The following PIP5K1B variants were observed in gnomAD, a reference collection of about 807,000 sequenced individuals.
PIP5K1B encodes phosphatidylinositol-4-phosphate 5-kinase type 1 beta.
A neutral mutation model predicts 67.0 loss-of-function variants in PIP5K1B; 42 were observed. The observed-to-expected ratio is 0.63, with a 90% CI of 0.49 to 0.81. PIP5K1B has a LOEUF of 0.81. Ranked by LOEUF, PIP5K1B falls within the 30% of genes least tolerant of loss-of-function variation. The pLI is 0.00. For missense variants in PIP5K1B, 459 were observed against 646.3 expected (o/e 0.71, Z 3.14); for synonymous variants, 214 against 231.4 (o/e 0.92, Z 0.68).
At chr9:68,783,121 A>G (rs1234638448) in intron 2 of PIP5K1B, 2 of 166,910 alleles carry the variant, frequency 1.2e-5, no homozygotes, top group African/African-American at 2.4e-5. Context: ...TTTAAACTTG[A>G]TATTTTTCGC....
At chr9:68,994,924 C>T (rs961260530) in intron 15 of PIP5K1B, among the ~76,000 whole-genome samples, 3 of 151,754 alleles carry the variant, frequency 2.0e-5, no homozygotes, top group Admixed American at 2.0e-4. Context: ...TTGCTTGAGG[C>T]CAGGAGTTCG....
At chr9:68,930,568 CTG>C (rs1826946394) in intron 12 of PIP5K1B, among the ~76,000 whole-genome samples, 1 of 152,060 alleles carries the variant, frequency 6.6e-6, no homozygotes, top group East Asian at 1.9e-4. Context: ...GATTCAGCCA[CTG>C]TGTTTTTTGG....
At chr9:68,927,371 A>AT (rs758002081) in intron 12 of PIP5K1B, among the ~76,000 whole-genome samples, 110 of 152,308 alleles carry the variant, frequency 7.2e-4, no homozygotes, top group Non-Finnish European at 1.1e-3. Flanking sequence ...CAGCTGTGTC[A>AT]TTTTACAATC....
intron 2 of PIP5K1B, among the ~76,000 whole-genome samples, chr9:68,817,405 AC>A (rs746205742): frequency 6.6e-6 from 1 of 152,244 alleles, no homozygotes; most frequent in Non-Finnish European, 1.5e-5. Flanking sequence ...AAATAAAAGT[AC>A]TAGAACATTA....
chr9:68,829,363 T>G (rs1254258570), intron 4 of PIP5K1B, among the ~76,000 whole-genome samples: 1 of 152,212 alleles, frequency 6.6e-6, no homozygotes, highest in Admixed American at 6.5e-5. Flanking sequence ...AATGACCCTT[T>G]GGTATTCTAA....
intron 8 of PIP5K1B, among the ~76,000 whole-genome samples, chr9:68,910,975 A>G (rs1051144500): frequency 4.6e-5 from 7 of 152,258 alleles, no homozygotes; most frequent in African/African-American, 1.7e-4. Flanking sequence ...TCTATGTCAA[A>G]TTGAAGCACT....
intron 8 of PIP5K1B, among the ~76,000 whole-genome samples, chr9:68,910,442 C>G (rs1307184877): frequency 6.6e-6 from 1 of 152,130 alleles, no homozygotes; most frequent in East Asian, 1.9e-4. Flanking sequence ...GCACAGGTAT[C>G]AAGTTCTTAT....
chr9:68,828,913 C>T (rs1296175152), intron 4 of PIP5K1B, among the ~76,000 whole-genome samples: 1 of 151,790 alleles, frequency 6.6e-6, no homozygotes, highest in African/African-American at 2.4e-5. Context: ...ACCAGCCTGG[C>T]CAACATGGTG....
intron 1 of PIP5K1B, among the ~76,000 whole-genome samples, chr9:68,735,415 A>G (rs1029539516): frequency 7.7e-5 from 10 of 130,278 alleles, no homozygotes; most frequent in Non-Finnish European, 1.4e-4. Context: ...TGTCATGTCT[A>G]CTTAGGCTCC....
At chr9:68,926,486 G>C (rs556859861) in intron 12 of PIP5K1B, among the ~76,000 whole-genome samples, 33 of 152,090 alleles carry the variant, frequency 2.2e-4, no homozygotes, top group East Asian at 1.9e-3. Flanking sequence ...AGATGTGTAT[G>C]CTTCACCCTT....
chr9:68,803,754 A>G (rs757984461), intron 2 of PIP5K1B, among the ~76,000 whole-genome samples: 39 of 152,218 alleles, frequency 2.6e-4, no homozygotes, highest in Non-Finnish European at 2.4e-4. Context: ...TAAAGCTATG[A>G]TCCTGTTAAT....
At chr9:69,003,488 A>C (rs1830921101) in intron 15 of PIP5K1B, among the ~76,000 whole-genome samples, 1 of 114,998 alleles carries the variant, frequency 8.7e-6, no homozygotes, top group African/African-American at 3.2e-5. Flanking sequence ...AGGGGGGGGG[A>C]TATCACCCCA....
At chr9:68,750,155 C>T (rs1338284905) in intron 2 of PIP5K1B, among the ~76,000 whole-genome samples, 1 of 152,210 alleles carries the variant, frequency 6.6e-6, no homozygotes, top group East Asian at 1.9e-4. Flanking sequence ...TACTTTGTCA[C>T]ACTGTTTTCC....
chr9:68,988,318 G>A (rs1363708856), intron 14 of PIP5K1B, among the ~76,000 whole-genome samples: 1 of 150,608 alleles, frequency 6.6e-6, no homozygotes, highest in Non-Finnish European at 1.5e-5. Context: ...TTATATATAA[G>A]AGCTTCCAGA....
intron 14 of PIP5K1B, among the ~76,000 whole-genome samples, chr9:68,973,196 A>T (rs1829477155): frequency 6.6e-6 from 1 of 152,102 alleles, no homozygotes; most frequent in Admixed American, 6.6e-5. Context: ...CAACAACCTC[A>T]TCTGTTGCAG....
At position 68,979,466 on chromosome 9, in the gene PIP5K1B, A is replaced by G. The variant is rs1052288753; in HGVS notation, c.1503-11674A>G. Among the ~76,000 whole-genome samples the G allele has an allele frequency of 1.2e-4, 18 of 152,206 alleles. 1 individual carries two copies. Among genetic ancestry groups the G allele is most frequent in the Non-Finnish European group, 4.4e-5 (3 of 68,038 alleles). On this transcript the variant is annotated intron_variant, in intron 14 of 15. Transcript: ENST00000265382. Reference sequence around the variant, plus strand: ...AGAAAAACAAATCTCATAGCGATATACGGTGAAAAAGGTCCCTGAACTTGG... The same window carrying G: ...AGAAAAACAAATCTCATAGCGATATGCGGTGAAAAAGGTCCCTGAACTTGG...
At chr9:68,761,905 T>G (rs935684340) in intron 2 of PIP5K1B, among the ~76,000 whole-genome samples, 1 of 152,134 alleles carries the variant, frequency 6.6e-6, no homozygotes, top group African/African-American at 2.4e-5. Flanking sequence ...GTGGACATCT[T>G]TTGGCAGCCA....
In PIP5K1B at chr9:68,814,608, G is replaced by A. The variant is rs550148873; in HGVS notation, c.-85-3853G>A. 2.6e-5 allele frequency among the ~76,000 whole-genome samples: 4 copies of A among 152,234 alleles called. No individual in the cohort carries two copies. In the East Asian group the frequency reaches 7.7e-4, roughly 29 times the overall value. On this transcript the variant is annotated intron_variant, in intron 2 of 15. Coordinates refer to ENST00000265382, the MANE Select transcript of PIP5K1B (RefSeq NM_003558.4). ...AGGCAGGTGGATCACTTGAGCTCAG[G>A]AGTTTGAGACAAGCCTGGGCAACAT...
intron 2 of PIP5K1B, chr9:68,788,293 T>C: frequency 1.5e-6 from 1 of 648,052 alleles, no homozygotes; most frequent in Admixed American, 2.5e-5. Flanking sequence ...CTTTTCCCTC[T>C]GCAGACTCTC....
Sources: allele counts gnomAD v4.1 joint callset (sites outside exome capture counted in the v4.1 genomes callset), GRCh38; gene constraint gnomAD v4.1.1; transcripts MANE v1.5; gene names NCBI Gene and HGNC (gene_info 2026-07-23, HGNC 2026-07-21).